RORA: variants seen among roughly 807,000 people sequenced by gnomAD.
RORA encodes the protein nuclear receptor ROR-alpha.
In RORA, 7 loss-of-function variants were observed where a neutral mutation model predicts 69.5. The observed-to-expected ratio is 0.10, with a 90% CI of 0.06 to 0.19. RORA has a LOEUF of 0.19. Among genes scored for constraint, RORA ranks in the 10% least tolerant of loss-of-function variants. The pLI, the probability that RORA is intolerant of heterozygous loss-of-function variation, is 1.00. For missense variants in RORA, 457 were observed against 663.0 expected (o/e 0.69, Z 3.41); for synonymous variants, 261 against 240.8 (o/e 1.08, Z -0.78).
At chr15:60,855,911 A>T (rs1432144704) in intron 1 of RORA, among the ~76,000 whole-genome samples, 3 of 152,182 alleles carry the variant, frequency 2.0e-5, no homozygotes, top group Non-Finnish European at 4.4e-5. Flanking sequence ...CATCGCACCC[A>T]GCCCTGTTTG....
At chr15:60,965,648 G>T (rs749266338) in intron 1 of RORA, among the ~76,000 whole-genome samples, 16 of 152,176 alleles carry the variant, frequency 1.1e-4, no homozygotes, top group Non-Finnish European at 2.2e-4. Flanking sequence ...TCTGGAGAGG[G>T]CAGAAGCCTC....
rs2140774720 is a variant in RORA, at chr15:61,108,615, A to G, written c.166+120438T>C. ...TGGCCATTTACGGAAACGTCTGTAG[A>G]CCTTTGCTACTACTAAACCATTACC... On this transcript the variant is annotated intron_variant, in intron 1 of 10. Coordinates refer to ENST00000335670, the MANE Select transcript of RORA (RefSeq NM_134261.3). 2.0e-5 allele frequency among the ~76,000 whole-genome samples: 3 copies of G among 152,328 alleles called. No individual in the cohort carries two copies. In the South Asian group the frequency reaches 6.2e-4, roughly 32 times the overall value.
At chr15:60,939,134 T>G (rs760917504) in intron 1 of RORA, among the ~76,000 whole-genome samples, 3 of 152,226 alleles carry the variant, frequency 2.0e-5, no homozygotes, top group Non-Finnish European at 4.4e-5. Context: ...TTGGCCTTAG[T>G]GCTCCCTCGG....
At chr15:60,540,564 A>ACCCCCCCCCCCCCCC (rs56827621) in intron 2 of RORA, among the ~76,000 whole-genome samples, 1 of 46,048 alleles carries the variant, frequency 2.2e-5, no homozygotes, top group African/African-American at 5.2e-5. Flanking sequence ...AATTTCCATG[A>ACCCCCCCCCCCCCCC]CCCCCCCCCC....
At chr15:60,709,161 T>C (rs1315802992) in intron 1 of RORA, among the ~76,000 whole-genome samples, 1 of 152,204 alleles carries the variant, frequency 6.6e-6, no homozygotes, top group African/African-American at 2.4e-5. Flanking sequence ...TAACACACCC[T>C]AGCTTGATTA....
chr15:60,916,834 T>A (rs1477165290), intron 1 of RORA, among the ~76,000 whole-genome samples: 1 of 152,196 alleles, frequency 6.6e-6, no homozygotes, highest in African/African-American at 2.4e-5. Context: ...CTGATCTGTA[T>A]CACACACTCA....
intron 1 of RORA, among the ~76,000 whole-genome samples, chr15:60,766,766 A>C (rs1176274078): frequency 6.6e-6 from 1 of 151,266 alleles, no homozygotes; most frequent in African/African-American, 2.4e-5. Context: ...GTGCTATGGC[A>C]TTGGGTCACT....
chr15:61,099,667 G>T (rs536005554), intron 1 of RORA, among the ~76,000 whole-genome samples: 1 of 152,330 alleles, frequency 6.6e-6, no homozygotes, highest in East Asian at 1.9e-4. Flanking sequence ...TGTGTACCAT[G>T]TTCAGCTCTG....
At chr15:60,646,386 T>C (rs1488706945) in intron 2 of RORA, among the ~76,000 whole-genome samples, 1 of 152,220 alleles carries the variant, frequency 6.6e-6, no homozygotes, top group Non-Finnish European at 1.5e-5. Context: ...TTTCTCCAGA[T>C]ATCTCTCTAT....
intron 1 of RORA, among the ~76,000 whole-genome samples, chr15:60,696,130 T>A (rs1249774851): frequency 6.6e-6 from 1 of 152,260 alleles, no homozygotes; most frequent in African/African-American, 2.4e-5. Context: ...CACTGTCAAC[T>A]TTTCTATGAG....
At chr15:60,543,898 A>G (rs2066986179) in intron 2 of RORA, among the ~76,000 whole-genome samples, 1 of 152,186 alleles carries the variant, frequency 6.6e-6, no homozygotes, top group African/African-American at 2.4e-5. Context: ...TCTAACACAG[A>G]GGCCTAATGT....
chr15:60,554,530 A>G (rs1427454199), intron 2 of RORA, among the ~76,000 whole-genome samples: 2 of 152,234 alleles, frequency 1.3e-5, no homozygotes, highest in East Asian at 3.8e-4. Context: ...CTAATGACCC[A>G]TTGAAAGGCT....
At chr15:61,133,911 G>A (rs1363644659) in intron 1 of RORA, among the ~76,000 whole-genome samples, 1 of 152,166 alleles carries the variant, frequency 6.6e-6, no homozygotes, top group Non-Finnish European at 1.5e-5. Flanking sequence ...TTCTTCCACA[G>A]GAAGGCAAAG....
rs367711877 is a variant in RORA, at chr15:60,572,459, TG to T, written c.197-40609del. Among the ~76,000 whole-genome samples the T allele has an allele frequency of 2.8e-4, 42 of 152,066 alleles. No homozygotes were observed. In the South Asian group the frequency reaches 7.9e-3, roughly 29 times the overall value. ...TAACCCACAGGGTTTAATAAATGCA[TG>T]GCTATTATAGACAACTGGATCATCC... On this transcript the variant is annotated intron_variant, in intron 2 of 10. Transcript: ENST00000335670.
At chr15:61,063,636 A>C (rs2078217347) in intron 1 of RORA, among the ~76,000 whole-genome samples, 1 of 152,208 alleles carries the variant, frequency 6.6e-6, no homozygotes, top group South Asian at 2.1e-4. Flanking sequence ...AAGTTTCTAA[A>C]GGCTCAGTCT....
chr15:61,005,186 A>G (rs1290160629), intron 1 of RORA, among the ~76,000 whole-genome samples: 1 of 152,216 alleles, frequency 6.6e-6, no homozygotes, highest in East Asian at 1.9e-4. Context: ...GATGTGATTA[A>G]AAGTTATGCT....
intron 1 of RORA, among the ~76,000 whole-genome samples, chr15:60,817,123 G>C (rs1036019936): frequency 6.6e-6 from 1 of 152,076 alleles, no homozygotes; most frequent in Admixed American, 6.6e-5. Context: ...TCATTTCTTT[G>C]CAGTGAGAAC....
At chr15:60,897,260 C>T (rs1230442823) in intron 1 of RORA, among the ~76,000 whole-genome samples, 1 of 152,174 alleles carries the variant, frequency 6.6e-6, no homozygotes. Flanking sequence ...TTACAAATTT[C>T]ACTCCAGTTC....
chr15:60,850,920 A>G (rs1358483325), intron 1 of RORA, among the ~76,000 whole-genome samples: 1 of 152,196 alleles, frequency 6.6e-6, no homozygotes, highest in Non-Finnish European at 1.5e-5. Context: ...GCTTTCTGAA[A>G]AGCACCAAAA....
Sources: gnomAD v4.1 joint callset for allele counts (sites outside exome capture counted in the v4.1 genomes callset) on GRCh38, gnomAD v4.1.1 for gene constraint, MANE v1.5 for transcripts, NCBI Gene and HGNC (gene_info 2026-07-23, HGNC 2026-07-21) for gene names.